Variants in PCDH15 observed in about 807,000 individuals in gnomAD.
PCDH15 encodes protocadherin related 15.
Under a neutral mutation model 178.5 loss-of-function variants are expected in PCDH15, and 129 were observed. That is an observed-to-expected ratio of 0.72 (90% CI 0.63 to 0.84). The LOEUF is 0.84. Among genes scored for constraint, PCDH15 ranks in the 40% least tolerant of loss-of-function variants. PCDH15 has a pLI of 0.00. For missense variants in PCDH15, 2,230 were observed against 2,099.9 expected, an observed-to-expected ratio of 1.06 and a Z score of -1.21; for synonymous variants, 800 against 732.0, an observed-to-expected ratio of 1.09 and a Z score of -1.50.
intron 2 of PCDH15, among the ~76,000 whole-genome samples, chr10:55,584,658 CAAAAAAAAAAAAA>C (rs59983365): frequency 4.2e-5 from 3 of 72,270 alleles, no homozygotes; most frequent in Admixed American, 1.8e-4. Flanking sequence ...ACTCTGTCTC[CAAAAAAAAAAAAA>C]AAAAAAAAAA....
intron 3 of PCDH15, among the ~76,000 whole-genome samples, chr10:54,890,666 G>T (rs1954444557): frequency 6.6e-6 from 1 of 151,952 alleles, no homozygotes; most frequent in African/African-American, 2.4e-5. Flanking sequence ...TCATTAGCTA[G>T]GTAGAGTATA....
intron 2 of PCDH15, among the ~76,000 whole-genome samples, chr10:54,593,138 G>C (rs1345028217): frequency 6.6e-6 from 1 of 151,980 alleles, no homozygotes; most frequent in Non-Finnish European, 1.5e-5. Context: ...TCAGTCTGTT[G>C]ATTGTTTCTT....
intron 2 of PCDH15, among the ~76,000 whole-genome samples, chr10:55,091,514 A>G (rs192674409): frequency 2.4e-3 from 358 of 152,044 alleles, no homozygotes; most frequent in African/African-American, 8.2e-3. Flanking sequence ...GCACTCAGTG[A>G]TGCATAACTT....
chr10:55,172,821 C>A (rs1278794534), intron 1 of PCDH15, among the ~76,000 whole-genome samples: 2 of 151,772 alleles, frequency 1.3e-5, no homozygotes, highest in African/African-American at 4.8e-5. Context: ...ATATATATAT[C>A]TATTACATAT....
intron 27 of PCDH15, among the ~76,000 whole-genome samples, chr10:53,865,159 C>A (rs1237501814): frequency 6.6e-6 from 1 of 152,136 alleles, no homozygotes; most frequent in Non-Finnish European, 1.5e-5. Flanking sequence ...CAGACATAAT[C>A]AGCATGGATA....
chr10:55,508,477 G>A (rs1253342553), intron 2 of PCDH15, among the ~76,000 whole-genome samples: 1 of 151,798 alleles, frequency 6.6e-6, no homozygotes, highest in African/African-American at 2.4e-5. Flanking sequence ...ATTTCTAAAT[G>A]AAGTTAGATC....
rs202046718 is a variant in PCDH15 at position 54,089,961 on chromosome 10, G to A, written c.1997+23C>T. ...GTACGTTGCTGTACATTTTTTTAAAGTAGGAAATCATTTTTAACTTACGTT... is the reference window on the plus strand; with the variant it reads ...GTACGTTGCTGTACATTTTTTTAAAATAGGAAATCATTTTTAACTTACGTT... On this transcript the variant is annotated intron_variant, in intron 16 of 37. Transcript: ENST00000644397. 5.8e-4 allele frequency: 913 copies of A among 1,564,364 alleles called. 14 individuals are homozygous for A. The East Asian group carries it at 0.017, about 29-fold the overall frequency.
intron 3 of PCDH15, among the ~76,000 whole-genome samples, chr10:54,446,302 ATATT>A (rs2076138304): frequency 6.6e-6 from 1 of 151,690 alleles, no homozygotes; most frequent in Admixed American, 6.6e-5. Context: ...TTCCAAACTG[ATATT>A]TAAATACATT....
intron 2 of PCDH15, among the ~76,000 whole-genome samples, chr10:55,092,528 T>C (rs1338690214): frequency 1.3e-5 from 2 of 151,892 alleles, no homozygotes; most frequent in African/African-American, 4.8e-5. Flanking sequence ...TTAATTAATA[T>C]TGTTAATATT....
chr10:55,155,315 T>C (rs1416655203), intron 2 of PCDH15, among the ~76,000 whole-genome samples: 1 of 152,052 alleles, frequency 6.6e-6, no homozygotes, highest in Non-Finnish European at 1.5e-5. Context: ...TTATTATTTA[T>C]ATGTTCTCTG....
chr10:55,403,821 T>C (rs913271859), intron 2 of PCDH15, among the ~76,000 whole-genome samples: 2 of 152,052 alleles, frequency 1.3e-5, no homozygotes, highest in African/African-American at 4.8e-5. Flanking sequence ...GATGATTTTT[T>C]TAAATTTACA....
chr10:54,170,844 T>G (rs1461259989), intron 13 of PCDH15, among the ~76,000 whole-genome samples: 3 of 151,928 alleles, frequency 2.0e-5, no homozygotes, highest in African/African-American at 4.8e-5. Flanking sequence ...TTCCTTTCCA[T>G]CGTGGAAATC....
At chr10:55,106,201 T>A (rs1042194864) in intron 2 of PCDH15, among the ~76,000 whole-genome samples, 1 of 152,150 alleles carries the variant, frequency 6.6e-6, no homozygotes, top group Admixed American at 6.6e-5. Context: ...TCTTTGTAAC[T>A]TGAAATTAGC....
rs80065932 is a variant in PCDH15, at chr10:55,438,721, T to C, written c.-156+188904A>G. The stretch of plus-strand genomic sequence containing the variant: ...AAATAAAATCACACATTAAAAATGA[T>C]CACAAAACAGGAAAATGACATATAT... On this transcript the variant is annotated intron_variant, in intron 2 of 5. Transcript: ENST00000613346. Among the ~76,000 whole-genome samples, 663 of 151,782 alleles carry C rather than the reference T, an allele frequency of 4.4e-3. 5 individuals are homozygous for C. Among genetic ancestry groups the C allele is most frequent in the African/African-American group, 0.015 (635 of 41,456 alleles).
At chr10:54,133,305 T>C (rs2042603828) in intron 14 of PCDH15, among the ~76,000 whole-genome samples, 1 of 152,252 alleles carries the variant, frequency 6.6e-6, no homozygotes, top group Non-Finnish European at 1.5e-5. Flanking sequence ...CCTTGACTTC[T>C]GACTTTGTTT....
Position 53,866,831 on chromosome 10 carries a change from ATAATT to A in PCDH15, c.3523_3527del (p.Asn1175Ter). 1.2e-6 allele frequency: 2 copies of A among 1,612,202 alleles called. No individual in the cohort carries two copies. The highest frequency in any genetic ancestry group is 1.7e-6 in the Non-Finnish European group (2 of 1,178,524). On this transcript the variant is annotated frameshift_variant, in exon 27 of 38. Transcript: ENST00000644397. LOFTEE classifies it high-confidence loss of function. ...TTATGAGTCTGTAGGCCATGACACT[ATAATT>A]GCCAGTATCTTTATCAGTAGCCTAG...
intron 2 of PCDH15, among the ~76,000 whole-genome samples, chr10:55,424,123 G>T (rs893762784): frequency 6.6e-6 from 1 of 152,126 alleles, no homozygotes; most frequent in African/African-American, 2.4e-5. Flanking sequence ...GAAAATGTAT[G>T]AGAAGATGAT....
intron 15 of PCDH15, among the ~76,000 whole-genome samples, chr10:54,130,577 C>CA (rs1219199346): frequency 6.6e-6 from 1 of 151,146 alleles, no homozygotes; most frequent in Admixed American, 6.6e-5. Flanking sequence ...CACTGCTTCT[C>CA]AAACAACTTT....
At chr10:54,852,854 A>AT (rs1166550529) in intron 3 of PCDH15, among the ~76,000 whole-genome samples, 4,866 of 149,732 alleles carry the variant, frequency 0.032, 244 homozygotes, top group African/African-American at 0.11. Flanking sequence ...CTCTGTCTCA[A>AT]AAAAATAAAA....
Sources: gnomAD v4.1 joint callset for allele counts (sites outside exome capture counted in the v4.1 genomes callset) on GRCh38, gnomAD v4.1.1 for gene constraint, MANE v1.5 for transcripts, NCBI Gene and HGNC (gene_info 2026-07-23, HGNC 2026-07-21) for gene names.